Variants in PTPN3 observed in about 807,000 individuals in gnomAD.
PTPN3 encodes protein tyrosine phosphatase non-receptor type 3, also known as tyrosine-protein phosphatase non-receptor type 3.
PTPN3 carries 96 observed loss-of-function variants against 132.7 expected under a neutral mutation model. The observed-to-expected ratio is 0.72, with a 90% CI of 0.61 to 0.86. PTPN3 has a LOEUF of 0.86. Among genes scored for constraint, PTPN3 ranks in the 40% least tolerant of loss-of-function variants. The pLI, the probability that PTPN3 is intolerant of heterozygous loss-of-function variation, is 0.00. For synonymous variants in PTPN3, 398 were observed against 429.0 expected (o/e 0.93, Z 0.89); for missense variants, 1,125 against 1,159.6 (o/e 0.97, Z 0.43).
In PTPN3 at chr9:109,482,184, T is replaced by A. The variant is rs181549938; in HGVS notation, c.-18+16035A>T. On this transcript the variant is annotated intron_variant, in intron 1 of 25. Coordinates refer to ENST00000374541, the MANE Select transcript of PTPN3 (RefSeq NM_002829.4). Reference sequence around the variant, plus strand: ...GGGGCTGGAAGGCAGTCTGACTAAGTAATTCCATTTCTAGGAACCTGCTGT... The same window carrying A: ...GGGGCTGGAAGGCAGTCTGACTAAGAAATTCCATTTCTAGGAACCTGCTGT... Among the ~76,000 whole-genome samples the A allele has an allele frequency of 1.1e-4, 16 of 152,368 alleles. No homozygotes were observed. The East Asian group carries it at 3.1e-3, about 29-fold the overall frequency.
intron 1 of PTPN3, among the ~76,000 whole-genome samples, chr9:109,497,869 C>T (rs1847744418): frequency 6.6e-6 from 1 of 151,426 alleles, no homozygotes; most frequent in East Asian, 2.0e-4. Context: ...ACGGGGTCCT[C>T]CGGAGGTGCC....
chr9:109,501,784 G>A (rs1446914920), upstream of PTPN3, among the ~76,000 whole-genome samples: 1 of 152,148 alleles, frequency 6.6e-6, no homozygotes. Context: ...ATCGTCTCTG[G>A]GCATTCACTT....
chr9:109,391,870 T>TGGGGG (rs367927103), intron 19 of PTPN3, among the ~76,000 whole-genome samples: 1 of 29,454 alleles, frequency 3.4e-5, no homozygotes. Flanking sequence ...CAACTAGATG[T>TGGGGG]GGGGGGGGGG....
intron 5 of PTPN3, chr9:109,449,742 T>A: frequency 1.0e-6 from 1 of 985,396 alleles, no homozygotes; most frequent in Non-Finnish European, 1.2e-6. Context: ...AAGGGAAACC[T>A]CTTGAAATCT....
intron 21 of PTPN3, 128 bp from the exon 22 acceptor site, chr9:109,389,507 C>T (rs926535054): frequency 2.0e-5 from 19 of 952,526 alleles, no homozygotes; most frequent in African/African-American, 6.6e-5. Flanking sequence ...CAATTCACAG[C>T]CAATAAGGAA....
intron 1 of PTPN3, among the ~76,000 whole-genome samples, chr9:109,475,922 G>A (rs1846641340): frequency 6.6e-6 from 1 of 152,048 alleles, no homozygotes; most frequent in Admixed American, 6.6e-5. Context: ...AGTGTCCCTC[G>A]CCATAATTTT....
chr9:109,388,406 C>T (rs550825515), intron 22 of PTPN3, among the ~76,000 whole-genome samples: 1 of 152,194 alleles, frequency 6.6e-6, no homozygotes, highest in East Asian at 1.9e-4. Flanking sequence ...ATGGGAATCT[C>T]TAATGCAGGA....
intron 9 of PTPN3, among the ~76,000 whole-genome samples, chr9:109,435,636 G>A (rs944215666): frequency 6.6e-6 from 1 of 152,200 alleles, no homozygotes; most frequent in Admixed American, 6.5e-5. Flanking sequence ...TACTGTGGGG[G>A]TCTTTGCCAC....
rs374288172 is a variant in PTPN3, at chr9:109,379,541, T to C, written c.*15A>G. The C allele has an allele frequency of 1.7e-5, 28 of 1,608,524 alleles. 1 individual carries two copies. The African/African-American group carries it at 3.6e-4, about 21-fold the overall frequency. On this transcript the variant is annotated 3_prime_UTR_variant, in exon 26 of 26. Transcript: ENST00000374541. The stretch of plus-strand genomic sequence containing the variant: ...ATGCCCTTGGGAAAGAGGAATGAAC[T>C]TTTTCACAGTTGTCTTAACTAGGAT...
At chr9:109,479,666 G>A (rs539423940) in intron 1 of PTPN3, among the ~76,000 whole-genome samples, 13 of 151,986 alleles carry the variant, frequency 8.6e-5, no homozygotes, top group Admixed American at 3.3e-4. Context: ...AGCCTCCTCC[G>A]CCTCCCAGGC....
chr9:109,527,405 G>C, the PTPN3 span, among the ~76,000 whole-genome samples: 1 of 152,186 alleles, frequency 6.6e-6, no homozygotes, highest in African/African-American at 2.4e-5. Flanking sequence ...AGGTTGCAGG[G>C]AGCAGAGATT....
chr9:109,439,376 A>T (rs910809246), intron 7 of PTPN3, among the ~76,000 whole-genome samples: 1 of 67,594 alleles, frequency 1.5e-5, no homozygotes, highest in Non-Finnish European at 3.1e-5. Flanking sequence ...CTTCATCTTT[A>T]AAAAAAAAAT....
intron 1 of PTPN3, among the ~76,000 whole-genome samples, chr9:109,479,789 G>A (rs527612324): frequency 6.6e-6 from 1 of 152,314 alleles, no homozygotes; most frequent in East Asian, 1.9e-4. Context: ...CTGTTGCCCA[G>A]GCTGGTCTCA....
intron 13 of PTPN3, among the ~76,000 whole-genome samples, chr9:109,421,314 G>T (rs1842879210): frequency 6.6e-6 from 1 of 152,108 alleles, no homozygotes; most frequent in South Asian, 2.1e-4. Flanking sequence ...CTGCAGCGGG[G>T]GATCCCAAGC....
rs754346304 is a variant in PTPN3 at position 109,438,203 on chromosome 9, A to T, written c.498T>A (p.His166Gln). 3 of 1,613,112 alleles carry T rather than the reference A, an allele frequency of 1.9e-6. No homozygotes were observed. The highest frequency in any genetic ancestry group is 2.2e-5 in the South Asian group (2 of 90,984). Residue 166 changes from histidine (H) to glutamine (Q), a missense_variant, in exon 8 of 26, where the codon CAT becomes CAA. Transcript: ENST00000374541. The stretch of plus-strand genomic sequence containing the variant: ...GACTATCGGAAAGATAGCCTGGATG[A>T]TGTATGGAAGAATTATAGTCTCCAA... ...SHFGDYNSSI[H>Q]HPGYLSDSHF...
chr9:109,454,783 C>T (rs1212974504), intron 4 of PTPN3, among the ~76,000 whole-genome samples: 2 of 152,220 alleles, frequency 1.3e-5, no homozygotes, highest in South Asian at 2.1e-4. Context: ...AACATCAGCA[C>T]AGACTGAGTT....
rs1175746402 is a variant in PTPN3 at position 109,496,212 on chromosome 9, G to T, written c.-18+2007C>A. On this transcript the variant is annotated intron_variant, in intron 1 of 25. Coordinates refer to ENST00000374541, the MANE Select transcript of PTPN3 (RefSeq NM_002829.4). ...TCTGCAAATTGGTATTCCATTAACT[G>T]CATGTGGGATTTATGGGAGCTCGCT... Among the ~76,000 whole-genome samples, 4 of 152,214 alleles carry T rather than the reference G, an allele frequency of 2.6e-5. No individual in the cohort carries two copies. In the East Asian group the frequency reaches 7.7e-4, roughly 29 times the overall value.
chr9:109,534,694 C>T, the PTPN3 span, among the ~76,000 whole-genome samples: 8 of 150,028 alleles, frequency 5.3e-5, no homozygotes, highest in South Asian at 4.2e-4. Context: ...CCCAGCTACT[C>T]GGGAGGCTGA....
intron 9 of PTPN3, among the ~76,000 whole-genome samples, chr9:109,434,961 C>G (rs1409911765): frequency 6.6e-6 from 1 of 152,096 alleles, no homozygotes; most frequent in Non-Finnish European, 1.5e-5. Flanking sequence ...TGTGGAAAGT[C>G]CAGGCAGTAT....
Sources: gnomAD v4.1 joint callset for allele counts (sites outside exome capture counted in the v4.1 genomes callset) on GRCh38, gnomAD v4.1.1 for gene constraint, MANE v1.5 for transcripts, NCBI Gene and HGNC (gene_info 2026-07-23, HGNC 2026-07-21) for gene names.